MACF1: variants seen among roughly 807,000 people sequenced by gnomAD.
The protein encoded by MACF1 is microtubule actin crosslinking factor 1, also known as microtubule-actin cross-linking factor 1.
MACF1 carries 193 observed loss-of-function variants against 854.8 expected under a neutral mutation model. That is an observed-to-expected ratio of 0.23 (90% CI 0.20 to 0.25). The LOEUF is 0.25. MACF1 is among the 10% of genes least tolerant of loss of function. MACF1 has a pLI of 1.00. For missense variants in MACF1, 7,722 were observed against 8,929.1 expected (o/e 0.86, Z 5.45); for synonymous variants, 3,185 against 3,226.7 (o/e 0.99, Z 0.44).
intron 97 of MACF1, among the ~76,000 whole-genome samples, chr1:39,472,853 A>C (rs1388171725): frequency 6.6e-6 from 1 of 152,232 alleles, no homozygotes; most frequent in South Asian, 2.1e-4. Flanking sequence ...AAAGTAAGCC[A>C]TTATTTTTCA....
chr1:39,275,000 AG>A lies in MACF1; in HGVS notation c.529-7206del, dbSNP rs202170747. 5.4e-3 allele frequency among the ~76,000 whole-genome samples: 828 copies of A among 152,328 alleles called. 14 individuals are homozygous for A. The highest frequency in any genetic ancestry group is 0.018 in the African/African-American group (757 of 41,576). ...CCAGGAATAAGCAATTCACAAAAAA[AG>A]GAAATCCAAATGCCTCATATACATA... On this transcript the variant is annotated intron_variant, in intron 6 of 100. Transcript: ENST00000564288.
intron 2 of MACF1, among the ~76,000 whole-genome samples, chr1:39,128,024 C>T (rs1264496904): frequency 6.6e-6 from 1 of 152,136 alleles, no homozygotes; most frequent in African/African-American, 2.4e-5. Flanking sequence ...TCCACCTAGG[C>T]CCACTGGTCA....
intron 1 of MACF1, among the ~76,000 whole-genome samples, chr1:39,224,043 G>A (rs1050655728): frequency 6.6e-6 from 1 of 152,152 alleles, no homozygotes; most frequent in Admixed American, 6.5e-5. Flanking sequence ...AGTGGTAAAG[G>A]CCTGAGCTAA....
At chr1:39,287,624 T>C in intron 15 of MACF1, 62 bp downstream of exon 15, 1 of 1,572,004 alleles carries the variant, frequency 6.4e-7, no homozygotes, top group Non-Finnish European at 8.7e-7. Flanking sequence ...GAAGCTTATC[T>C]AAGAGGACCA....
Position 39,333,095 on chromosome 1 carries a change from A to G in MACF1, c.6507A>G (p.Thr2169=), listed in dbSNP as rs16826075. ...AACCTCTAAGAAACACTTCCTTTAC[A>G]TGTCAGAATGAACAAGCACACACTC... ...EHQPLRNTSF[T]CQNEQAHTLE... Residue 2169 remains threonine (T), a synonymous_variant, in exon 37 of 101, where the codon ACA becomes ACG. Coordinates refer to ENST00000564288, the MANE Select transcript of MACF1 (RefSeq NM_001394062.1). 7.1e-3 allele frequency: 11,445 copies of G among 1,614,088 alleles called. 625 individuals are homozygous for G. In the African/African-American group the frequency reaches 0.13, roughly 18 times the overall value.
intron 2 of MACF1, among the ~76,000 whole-genome samples, chr1:39,247,763 T>C (rs1308322360): frequency 6.6e-6 from 1 of 152,212 alleles, no homozygotes; most frequent in East Asian, 1.9e-4. Context: ...CCGGGTGTGG[T>C]GGCTCACGCC....
rs1174117199 is a variant in MACF1, at chr1:39,331,274, A to G, written c.4686A>G (p.Gln1562=). Residue 1562 remains glutamine, a synonymous_variant, in exon 37 of 101, where the codon CAA becomes CAG. Coordinates refer to ENST00000564288, the MANE Select transcript of MACF1 (RefSeq NM_001394062.1). ...TATTTCCCATCTTCAAAGCCATGCA[A>G]AAGGGCCTCCTTGACCAAGACACAG... ...VEIFPIFKAM[Q]KGLLDQDTGL... is the part of the protein sequence containing the mutation. 6.2e-7 allele frequency: 1 copy of G among 1,611,742 alleles called. No individual in the cohort carries two copies. Among genetic ancestry groups the G allele is most frequent in the African/African-American group, 1.4e-5 (1 of 74,006 alleles).
At chr1:39,118,781 G>A (rs971782967) in intron 2 of MACF1, among the ~76,000 whole-genome samples, 35 of 152,240 alleles carry the variant, frequency 2.3e-4, no homozygotes, top group African/African-American at 7.7e-4. Context: ...GCTAATAAGC[G>A]CAGAAAATAG....
intron 2 of MACF1, among the ~76,000 whole-genome samples, chr1:39,176,396 C>A (rs763399315): frequency 6.6e-6 from 1 of 151,946 alleles, no homozygotes; most frequent in Non-Finnish European, 1.5e-5. Flanking sequence ...TAGTCATTTT[C>A]GTTATTCAAA....
At chr1:39,199,626 T>A (rs1160984293) in intron 2 of MACF1, among the ~76,000 whole-genome samples, 1 of 152,164 alleles carries the variant, frequency 6.6e-6, no homozygotes, top group East Asian at 1.9e-4. Context: ...ATTACAGGGA[T>A]CAAATGAAAT....
Position 39,334,039 on chromosome 1 carries a change from T to G in MACF1, c.7451T>G (p.Ile2484Ser). 6.2e-7 allele frequency: 1 copy of G among 1,614,198 alleles called. No homozygotes were observed. The highest frequency in any genetic ancestry group is 8.5e-7 in the Non-Finnish European group (1 of 1,180,020). The change falls in exon 37 of 101, where the codon ATT becomes AGT. Residue 2484 changes from isoleucine (I) to serine (S), a missense_variant. Coordinates refer to ENST00000564288, the MANE Select transcript of MACF1 (RefSeq NM_001394062.1). Reference protein sequence around the residue: ...SKAPLTVVQSIDRGLLEREEA... With the variant: ...SKAPLTVVQSSDRGLLEREEA... ...GCACCTTTAACAGTTGTGCAGTCCA[T>G]TGACAGAGGTCTTTTGGAGAGAGAG...
intron 100 of MACF1, 200 bp from the exon 101 acceptor site, chr1:39,485,338 C>T (rs763891702): frequency 5.0e-6 from 3 of 605,582 alleles, no homozygotes; most frequent in South Asian, 4.3e-5. Context: ...GCTTTCTAAT[C>T]CCCAGGAGGC....
chr1:39,336,581 A>G lies in MACF1; in HGVS notation c.9993A>G (p.Gln3331=), dbSNP rs1241730612. The change falls in exon 37 of 101, where the codon CAA becomes CAG. Residue 3331 remains glutamine (Q), a synonymous_variant. Transcript: ENST00000564288. ...TCAGAGAAAGCCCTGGCAGTGAACA[A>G]ACTCCCTTCATGACTGCACCTGAAG... ...EKLRESPGSE[Q]TPFMTAPEGK... is the part of the protein sequence containing the mutation. 2.5e-6 allele frequency: 4 copies of G among 1,614,182 alleles called. No homozygotes were observed. In the Admixed American group the frequency reaches 6.7e-5, roughly 27 times the overall value.
rs778624747 is a variant in MACF1 at position 39,428,177 on chromosome 1, G to A, written c.16693G>A (p.Asp5565Asn). 2 of 1,614,190 alleles carry A rather than the reference G, an allele frequency of 1.2e-6. No homozygotes were observed. The highest frequency in any genetic ancestry group is 2.2e-5 in the South Asian group (2 of 91,088). ...ALSNARLFGE[D>N]EVEVLNWLAE... ...GTCTAATGCTAGGCTGTTTGGGGAG[G>A]ATGAGGTGGAGGTGCTCAACTGGCT... is the stretch of plus-strand genomic sequence containing the variant. Residue 5565 changes from aspartate to asparagine, a missense_variant, in exon 63 of 101, where the codon GAT becomes AAT. Asp to Asn is a conservative substitution (Grantham distance 23, BLOSUM62 1). Coordinates refer to ENST00000564288, the MANE Select transcript of MACF1 (RefSeq NM_001394062.1).
At chr1:39,206,492 T>G (rs1644452513) in intron 1 of MACF1, 2 of 152,246 alleles carry the variant, frequency 1.3e-5, no homozygotes, top group African/African-American at 4.8e-5. Flanking sequence ...TTTTTAAAGT[T>G]TATCTTCAGT....
At chr1:39,464,955 T>C (rs1644633456) in intron 94 of MACF1, 140 bp from the exon 95 acceptor site, 2 of 765,492 alleles carry the variant, frequency 2.6e-6, no homozygotes, top group Non-Finnish European at 4.5e-6. Context: ...GGCAGGAGCT[T>C]GGTAAGAATA....
chr1:39,169,295 T>G (rs1321789031), intron 2 of MACF1, among the ~76,000 whole-genome samples: 1 of 152,152 alleles, frequency 6.6e-6, no homozygotes, highest in African/African-American at 2.4e-5. Context: ...AGTCTAAATT[T>G]GTTACAAAGA....
rs761382311 is a variant in MACF1 at position 39,429,823 on chromosome 1, A to G, written c.16889-4A>G. On this transcript the variant is annotated splice_region_variant and splice_polypyrimidine_tract_variant and intron_variant, in intron 64 of 100. Transcript: ENST00000564288. ...TATGAGTAATTGTGTGCTATCTTCC[A>G]TAGGTGAGGAGGTGTTACTTATCCA... The G allele has an allele frequency of 3.9e-5, 63 of 1,613,708 alleles. No homozygotes were observed. The highest frequency in any genetic ancestry group is 5.2e-5 in the Non-Finnish European group (61 of 1,179,808).
rs537096424 is a variant in MACF1 at position 39,356,097 on chromosome 1, A to G, written c.11425-1278A>G. On this transcript the variant is annotated intron_variant, in intron 44 of 100. Coordinates refer to ENST00000564288, the MANE Select transcript of MACF1 (RefSeq NM_001394062.1). ...GTATAGGTAGTAAGGAACACTGACA[A>G]CTCCCACTGTCTTCTAGATTCAGGA... Among the ~76,000 whole-genome samples the G allele has an allele frequency of 2.0e-5, 3 of 152,250 alleles. No homozygotes were observed. In the East Asian group the frequency reaches 5.8e-4, roughly 29 times the overall value.
Sources: allele counts gnomAD v4.1 joint callset (sites outside exome capture counted in the v4.1 genomes callset), GRCh38; gene constraint gnomAD v4.1.1; transcripts MANE v1.5; gene names NCBI Gene and HGNC (gene_info 2026-07-23, HGNC 2026-07-21).